KCNJ6: variants seen among roughly 807,000 people sequenced by gnomAD.
The protein encoded by KCNJ6 is G protein-activated inward rectifier potassium channel 2.
Under a neutral mutation model 34.2 loss-of-function variants are expected in KCNJ6, and 9 were observed. That is an observed-to-expected ratio of 0.26 (90% CI 0.16 to 0.46). The LOEUF is 0.46. KCNJ6 is among the 20% of genes least tolerant of loss of function. The probability of loss-of-function intolerance (pLI) is 1.00; values close to 1 mark genes in which losing one functional copy is unlikely to be tolerated. For missense variants in KCNJ6, 236 were observed against 531.3 expected (o/e 0.44, Z 5.46); for synonymous variants, 196 against 207.1 (o/e 0.95, Z 0.46).
At chr21:37,682,624 G>C (rs543984527) in intron 3 of KCNJ6, among the ~76,000 whole-genome samples, 53 of 152,200 alleles carry the variant, frequency 3.5e-4, no homozygotes, top group African/African-American at 1.1e-3. Context: ...ATCTCATCTT[G>C]AGACCCCTAA....
intron 2 of KCNJ6, among the ~76,000 whole-genome samples, chr21:37,778,111 G>T (rs943953227): frequency 5.9e-5 from 9 of 152,136 alleles, no homozygotes; most frequent in Non-Finnish European, 1.5e-5. Flanking sequence ...TTCCATGCTA[G>T]AAAAAGAACT....
At chr21:37,907,643 A>C (rs1385786864) in intron 1 of KCNJ6, among the ~76,000 whole-genome samples, 1 of 152,234 alleles carries the variant, frequency 6.6e-6, no homozygotes, top group African/African-American at 2.4e-5. Context: ...TTGAACCAAA[A>C]TATGTCACTT....
At chr21:37,654,746 A>T (rs756591730) in intron 3 of KCNJ6, among the ~76,000 whole-genome samples, 1 of 152,222 alleles carries the variant, frequency 6.6e-6, no homozygotes, top group Non-Finnish European at 1.5e-5. Context: ...GAGCAAATTC[A>T]TGGAAGACCT....
intron 3 of KCNJ6, among the ~76,000 whole-genome samples, chr21:37,685,888 G>A (rs1381926420): frequency 1.3e-5 from 2 of 151,860 alleles, no homozygotes; most frequent in African/African-American, 4.8e-5. Flanking sequence ...TGTGGTATAT[G>A]TTAAATTAAT....
chr21:37,752,963 A>T (rs1208934661), intron 2 of KCNJ6, among the ~76,000 whole-genome samples: 1 of 152,218 alleles, frequency 6.6e-6, no homozygotes, highest in Non-Finnish European at 1.5e-5. Context: ...AAGGTGTTAT[A>T]TATTAAGTAG....
At chr21:37,779,536 T>C (rs938598052) in intron 2 of KCNJ6, among the ~76,000 whole-genome samples, 1 of 152,186 alleles carries the variant, frequency 6.6e-6, no homozygotes, top group Non-Finnish European at 1.5e-5. Flanking sequence ...GCAAATTTTC[T>C]CTGCTTTAGA....
intron 1 of KCNJ6, among the ~76,000 whole-genome samples, chr21:37,845,096 G>C (rs2055500005): frequency 6.6e-6 from 1 of 152,196 alleles, no homozygotes; most frequent in Non-Finnish European, 1.5e-5. Flanking sequence ...TCCCGCGGAA[G>C]TCAGCAACAT....
At chr21:37,652,259 C>G (rs181554161) in intron 3 of KCNJ6, among the ~76,000 whole-genome samples, 5 of 152,146 alleles carry the variant, frequency 3.3e-5, no homozygotes, top group East Asian at 1.9e-4. Context: ...GCTGGATGGA[C>G]AAAAGAAATG....
At chr21:37,883,409 CCT>C (rs2055719697) in intron 1 of KCNJ6, among the ~76,000 whole-genome samples, 2 of 152,150 alleles carry the variant, frequency 1.3e-5, no homozygotes, top group South Asian at 4.1e-4. Flanking sequence ...ACAGATTACC[CCT>C]TTTAGCCCCA....
intron 2 of KCNJ6, among the ~76,000 whole-genome samples, chr21:37,834,394 C>A (rs2055441571): frequency 6.6e-6 from 1 of 152,192 alleles, no homozygotes; most frequent in South Asian, 2.1e-4. Context: ...CTTTTTGATG[C>A]AGGAGCACAC....
chr21:37,790,920 T>C (rs2055213704), intron 2 of KCNJ6, among the ~76,000 whole-genome samples: 1 of 152,228 alleles, frequency 6.6e-6, no homozygotes, highest in Non-Finnish European at 1.5e-5. Context: ...ATCCAAGGGC[T>C]CCACAATTAC....
chr21:37,666,861 G>A (rs901788272), intron 3 of KCNJ6, among the ~76,000 whole-genome samples: 1 of 151,416 alleles, frequency 6.6e-6, no homozygotes, highest in South Asian at 2.1e-4. Context: ...CCCCAACCCC[G>A]TGCTCTCTGA....
chr21:37,864,834 G>T (rs1430066193), intron 1 of KCNJ6, among the ~76,000 whole-genome samples: 1 of 151,490 alleles, frequency 6.6e-6, no homozygotes, highest in Non-Finnish European at 1.5e-5. Context: ...ACTTCTGTGG[G>T]TACATCAGTC....
At chr21:37,858,766 T>C (rs1159919502) in intron 1 of KCNJ6, among the ~76,000 whole-genome samples, 8 of 152,100 alleles carry the variant, frequency 5.3e-5, no homozygotes, top group Admixed American at 5.2e-4. Flanking sequence ...AATGAAATTC[T>C]CCATGGGTTT....
intron 2 of KCNJ6, among the ~76,000 whole-genome samples, chr21:37,718,543 A>G (rs2054806679): frequency 6.6e-6 from 1 of 152,212 alleles, no homozygotes; most frequent in Non-Finnish European, 1.5e-5. Context: ...AATGTAATGC[A>G]ATGCTACTTC....
At chr21:37,755,003 C>T (rs950715308) in intron 2 of KCNJ6, among the ~76,000 whole-genome samples, 1 of 152,164 alleles carries the variant, frequency 6.6e-6, no homozygotes, top group African/African-American at 2.4e-5. Flanking sequence ...ATGACAAACT[C>T]TAGACAACTC....
intron 2 of KCNJ6, among the ~76,000 whole-genome samples, chr21:37,759,017 C>G (rs1264988577): frequency 6.6e-6 from 1 of 152,216 alleles, no homozygotes; most frequent in Non-Finnish European, 1.5e-5. Flanking sequence ...GAGTTGCCCT[C>G]AGTCTGACCC....
At chr21:37,630,592 G>C (rs2054329805) in intron 3 of KCNJ6, among the ~76,000 whole-genome samples, 1 of 152,146 alleles carries the variant, frequency 6.6e-6, no homozygotes, top group African/African-American at 2.4e-5. Context: ...GCATATGAAG[G>C]ACCCTTAGCT....
At chr21:37,670,076 G>A (rs2054534749) in intron 3 of KCNJ6, among the ~76,000 whole-genome samples, 2 of 152,086 alleles carry the variant, frequency 1.3e-5, no homozygotes, top group African/African-American at 4.8e-5. Flanking sequence ...TAATTCTTTT[G>A]CATGTATATA....
Sources: allele counts gnomAD v4.1 joint callset (sites outside exome capture counted in the v4.1 genomes callset), GRCh38; gene constraint gnomAD v4.1.1; transcripts MANE v1.5; gene names NCBI Gene and HGNC (gene_info 2026-07-23, HGNC 2026-07-21).